Variants in CNBD2 observed in about 807,000 individuals in gnomAD.
CNBD2 encodes the protein cyclic nucleotide-binding domain-containing protein 2.
CNBD2 carries 64 observed loss-of-function variants against 63.7 expected under a neutral mutation model. The ratio of observed to expected loss-of-function variants is 1.00; its 90% CI spans 0.82 to 1.24. The LOEUF is 1.24. CNBD2 is among the 50% of genes most tolerant of loss of function. CNBD2 has a pLI of 0.00. For missense variants in CNBD2, 691 were observed against 713.5 expected (o/e 0.97, Z 0.36); for synonymous variants, 229 against 255.4 (o/e 0.90, Z 0.99).
chr20:35,992,574 A>T lies in CNBD2; in HGVS notation c.856-2464A>T, dbSNP rs142862928. ...AATAATGCGGAAGTCACTAAAGGACAGCAAGGTAGGGAGCTCTTGGCCAGA... is the reference window on the plus strand; with the variant it reads ...AATAATGCGGAAGTCACTAAAGGACTGCAAGGTAGGGAGCTCTTGGCCAGA... On this transcript the variant is annotated intron_variant, in intron 7 of 11. Coordinates refer to ENST00000373973, the MANE Select transcript of CNBD2 (RefSeq NM_001365709.1). Among the ~76,000 whole-genome samples, 16 of 152,350 alleles carry T rather than the reference A, an allele frequency of 1.1e-4. No individual in the cohort carries two copies. In the East Asian group the frequency reaches 3.1e-3, roughly 29 times the overall value.
intron 10 of CNBD2, among the ~76,000 whole-genome samples, chr20:36,019,589 A>G (rs2057181244): frequency 6.6e-6 from 1 of 151,452 alleles, no homozygotes; most frequent in African/African-American, 2.4e-5. Flanking sequence ...AAAAGTGTTC[A>G]AGACAGACAA....
intron 7 of CNBD2, among the ~76,000 whole-genome samples, chr20:35,989,731 G>A (rs1469996098): frequency 6.6e-6 from 1 of 152,042 alleles, no homozygotes; most frequent in African/African-American, 2.4e-5. Context: ...TAGGAGCTGG[G>A]CATGGTGGCT....
intron 11 of CNBD2, among the ~76,000 whole-genome samples, 195 bp from the exon 12 acceptor site, chr20:36,030,162 C>T (rs918953218): frequency 2.6e-5 from 4 of 152,090 alleles, no homozygotes; most frequent in Non-Finnish European, 5.9e-5. Flanking sequence ...TACAGGTGGC[C>T]CATTGCTACT....
intron 11 of CNBD2, among the ~76,000 whole-genome samples, chr20:36,026,878 C>G (rs2057288492): frequency 6.6e-6 from 1 of 152,230 alleles, no homozygotes; most frequent in South Asian, 2.1e-4. Context: ...ACAGCTCTTT[C>G]CCTTCCACCT....
chr20:35,961,075 G>C lies in CNBD2; in HGVS notation c.228+3301G>C, dbSNP rs77657562. 1.1e-3 allele frequency among the ~76,000 whole-genome samples: 170 copies of C among 152,000 alleles called. 2 individuals carry two copies. In the East Asian group the frequency reaches 0.025, roughly 22 times the overall value. The stretch of plus-strand genomic sequence containing the variant: ...CTCTCGAGTAGCTGGGATTACAGAC[G>C]CCTGCCACCACACCCGGTTAATTTT... On this transcript the variant is annotated intron_variant, in intron 2 of 4. Transcript: ENST00000622112.
chr20:35,955,189 C>T (rs956479123), exon 1 of CNBD2: 1 of 162,592 alleles, frequency 6.2e-6, no homozygotes, highest in African/African-American at 2.4e-5. Flanking sequence ...TCAGCTCTTG[C>T]AACGTAGCTA....
intron 7 of CNBD2, among the ~76,000 whole-genome samples, chr20:35,993,929 C>T (rs1384371678): frequency 7.2e-6 from 1 of 138,306 alleles, no homozygotes; most frequent in Non-Finnish European, 1.5e-5. Context: ...GGCTGGAGTG[C>T]AATGGCATGA....
intron 8 of CNBD2, among the ~76,000 whole-genome samples, chr20:36,003,612 T>G (rs1333961848): frequency 6.6e-6 from 1 of 152,168 alleles, no homozygotes; most frequent in African/African-American, 2.4e-5. Context: ...CTCTGATGAT[T>G]TATCCCTCTA....
intron 7 of CNBD2, among the ~76,000 whole-genome samples, chr20:35,990,146 A>G (rs1447800839): frequency 6.6e-6 from 1 of 152,150 alleles, no homozygotes; most frequent in Non-Finnish European, 1.5e-5. Flanking sequence ...GTAGCTTACA[A>G]TTAGCCATGG....
intron 10 of CNBD2, among the ~76,000 whole-genome samples, chr20:36,012,343 T>TGG (rs1327476544): frequency 6.6e-6 from 1 of 150,972 alleles, no homozygotes; most frequent in Admixed American, 6.6e-5. Flanking sequence ...CCAGGTATGG[T>TGG]GGCAGGCACC....
intron 9 of CNBD2, among the ~76,000 whole-genome samples, chr20:36,009,476 A>G (rs1430282375): frequency 6.6e-6 from 1 of 151,164 alleles, no homozygotes; most frequent in African/African-American, 2.4e-5. Flanking sequence ...TGCTGGGATT[A>G]CAGGCATGAG....
downstream of CNBD2, among the ~76,000 whole-genome samples, chr20:35,958,072 A>G (rs2056273937): frequency 6.6e-6 from 1 of 152,232 alleles, no homozygotes; most frequent in Non-Finnish European, 1.5e-5. Flanking sequence ...AGGGTTGTGG[A>G]AAAGAAGCTT....
rs1348060139 is a variant in CNBD2, at chr20:36,023,582, T to C, written c.1270-20T>C. 1.7e-5 allele frequency: 27 copies of C among 1,555,346 alleles called. No homozygotes were observed. The highest frequency in any genetic ancestry group is 2.2e-5 in the Non-Finnish European group (25 of 1,154,040). On this transcript the variant is annotated intron_variant, in intron 10 of 11. Transcript: ENST00000373973. ...ACCTGGCCAGTCTCTGAGGTCTAAC[T>C]TTCTGTGACTTCTCCCGAGGGTCTT...
At chr20:36,002,145 G>A (rs1437569868) in intron 8 of CNBD2, among the ~76,000 whole-genome samples, 1 of 152,212 alleles carries the variant, frequency 6.6e-6, no homozygotes, top group East Asian at 1.9e-4. Flanking sequence ...CTGCAATCCC[G>A]GCACCTCGGG....
chr20:36,004,744 GTAGAGA>G (rs2056961923), intron 8 of CNBD2, among the ~76,000 whole-genome samples: 1 of 151,826 alleles, frequency 6.6e-6, no homozygotes, highest in Non-Finnish European at 1.5e-5. Context: ...TTATCTTTTT[GTAGAGA>G]TAGAGTCTCA....
chr20:35,965,978 G>C (rs899195875), upstream of CNBD2, among the ~76,000 whole-genome samples: 5 of 152,120 alleles, frequency 3.3e-5, no homozygotes, highest in Non-Finnish European at 5.9e-5. Flanking sequence ...TGTGAGCCTG[G>C]ATACTTTCCT....
At chr20:35,997,427 AGCTTTG>A (rs1179223270) in intron 8 of CNBD2, among the ~76,000 whole-genome samples, 1 of 152,228 alleles carries the variant, frequency 6.6e-6, no homozygotes, top group Non-Finnish European at 1.5e-5. Flanking sequence ...TTAGCTGGGT[AGCTTTG>A]GTGAGTACTC....
intron 3 of CNBD2, among the ~76,000 whole-genome samples, chr20:35,976,585 C>T (rs1248818163): frequency 6.6e-6 from 1 of 152,116 alleles, no homozygotes; most frequent in East Asian, 1.9e-4. Flanking sequence ...GCGAGGCCCC[C>T]TCTCTAAAAA....
intron 8 of CNBD2, among the ~76,000 whole-genome samples, chr20:35,998,727 G>A (rs2056858574): frequency 6.6e-6 from 1 of 151,930 alleles, no homozygotes; most frequent in Non-Finnish European, 1.5e-5. Context: ...ACAAAAATTA[G>A]CTGGGCATGG....
Sources: gnomAD v4.1 joint callset for allele counts (sites outside exome capture counted in the v4.1 genomes callset) on GRCh38, gnomAD v4.1.1 for gene constraint, MANE v1.5 for transcripts, NCBI Gene and HGNC (gene_info 2026-07-23, HGNC 2026-07-21) for gene names.